PIWIL1: variants seen among roughly 807,000 people sequenced by gnomAD.
PIWIL1 encodes piwi like RNA-mediated gene silencing 1.
Under a neutral mutation model 114.4 loss-of-function variants are expected in PIWIL1, and 73 were observed. The ratio of observed to expected loss-of-function variants is 0.64; its 90% CI spans 0.53 to 0.78. The LOEUF is 0.78. PIWIL1 is among the 30% of genes least tolerant of loss of function. PIWIL1 has a pLI of 0.00. For synonymous variants in PIWIL1, 375 were observed against 369.0 expected (o/e 1.02, Z -0.19); for missense variants, 723 against 1,063.1 (o/e 0.68, Z 4.45).
chr12:130,349,994 G>A (rs2073171899), intron 9 of PIWIL1, 27 bp downstream of exon 9: 1 of 1,267,702 alleles, frequency 7.9e-7, no homozygotes, highest in Non-Finnish European at 1.1e-6. Flanking sequence ...TAGATCTCAG[G>A]AGAAATCCAA....
the PIWIL1 span, among the ~76,000 whole-genome samples, chr12:130,402,462 A>G: frequency 6.6e-6 from 1 of 152,054 alleles, no homozygotes; most frequent in African/African-American, 2.4e-5. Flanking sequence ...TCCTGCCTGG[A>G]GGGTTCCATA....
chr12:130,392,023 C>T, the PIWIL1 span, among the ~76,000 whole-genome samples: 4 of 101,834 alleles, frequency 3.9e-5, no homozygotes, highest in South Asian at 3.6e-4. Context: ...CACGTGTGTG[C>T]GTCAGTTACC....
chr12:130,368,306 G>A (rs78771085), intron 19 of PIWIL1, among the ~76,000 whole-genome samples: 11,878 of 152,142 alleles, frequency 0.078, 637 homozygotes, highest in South Asian at 0.19. Flanking sequence ...ATAAAGTCTC[G>A]GCCTGTGTGC....
chr12:130,368,671 G>A (rs191904650), intron 19 of PIWIL1, among the ~76,000 whole-genome samples: 3 of 152,004 alleles, frequency 2.0e-5, no homozygotes, highest in East Asian at 1.9e-4. Flanking sequence ...CTCTTTCACC[G>A]TATTCAAAAC....
intron 16 of PIWIL1, 105 bp from the exon 17 acceptor site, chr12:130,362,661 C>T: frequency 2.1e-6 from 2 of 967,492 alleles, no homozygotes; most frequent in East Asian, 2.5e-5. Context: ...AAGGCAGTTA[C>T]AAAGATGACA....
At chr12:130,386,109 G>C in the PIWIL1 span, among the ~76,000 whole-genome samples, 1 of 152,152 alleles carries the variant, frequency 6.6e-6, no homozygotes, top group Non-Finnish European at 1.5e-5. Flanking sequence ...GTTTGCTTCA[G>C]ACTTTGTCTC....
chr12:130,414,313 G>A, the PIWIL1 span: 521 of 1,572,068 alleles, frequency 3.3e-4, 5 homozygotes, highest in East Asian at 8.0e-3. Flanking sequence ...TCGTCTGCGA[G>A]CAAGTGGGGG....
At chr12:130,340,678 G>GC (rs2072895062) in intron 1 of PIWIL1, among the ~76,000 whole-genome samples, 4 of 141,710 alleles carry the variant, frequency 2.8e-5, no homozygotes, top group African/African-American at 1.2e-4. Context: ...GGTGGTGGTG[G>GC]TGCTGCTGCT....
the PIWIL1 span, among the ~76,000 whole-genome samples, chr12:130,381,733 G>C: frequency 6.6e-6 from 1 of 152,230 alleles, no homozygotes; most frequent in Admixed American, 6.5e-5. Flanking sequence ...GAAACTGCCT[G>C]TCTTTTAGAA....
chr12:130,360,647 A>G (rs2073485561), intron 14 of PIWIL1, among the ~76,000 whole-genome samples: 1 of 151,984 alleles, frequency 6.6e-6, no homozygotes, highest in Admixed American at 6.5e-5. Context: ...AACAAAACAA[A>G]CCAAACTCCC....
At chr12:130,342,936 C>A in intron 2 of PIWIL1, 54 bp from the exon 3 acceptor site, 1 of 1,289,702 alleles carries the variant, frequency 7.8e-7, no homozygotes, top group Non-Finnish European at 1.1e-6. Flanking sequence ...GAAATTTTCT[C>A]TGGTGTCTGA....
intron 1 of PIWIL1, chr12:130,342,284 C>CT: frequency 2.7e-6 from 1 of 366,968 alleles, no homozygotes; most frequent in Non-Finnish European, 5.0e-6. Context: ...TCTTTCAGCA[C>CT]TTTCTCCTCC....
chr12:130,373,817 A>T (rs60333154), downstream of PIWIL1, among the ~76,000 whole-genome samples: 11,939 of 152,214 alleles, frequency 0.078, 1,497 homozygotes, highest in African/African-American at 0.27. Flanking sequence ...GACTAGGTTG[A>T]TGTCTGAGCC....
the PIWIL1 span, among the ~76,000 whole-genome samples, chr12:130,403,801 GA>G: frequency 1.3e-5 from 2 of 152,108 alleles, no homozygotes; most frequent in African/African-American, 4.8e-5. Context: ...TATAATTTCT[GA>G]ATAAAATATT....
At chr12:130,410,842 G>T in the PIWIL1 span, among the ~76,000 whole-genome samples, 2 of 152,158 alleles carry the variant, frequency 1.3e-5, no homozygotes, top group Non-Finnish European at 2.9e-5. Flanking sequence ...GGCTACTCTA[G>T]TTCCTTTGCC....
At chr12:130,424,698 C>T in the PIWIL1 span, 8 of 1,231,992 alleles carry the variant, frequency 6.5e-6, no homozygotes, top group Non-Finnish European at 7.1e-6. This position sits in a 1 kb window ranked among gnomAD's most constrained non-coding sequence, Gnocchi z 9.8. Flanking sequence ...CGTCCTGGCC[C>T]TGGGGGACGG....
Position 130,371,379 on chromosome 12 carries a change from T to C in PIWIL1, c.2469+56T>C, listed in dbSNP as rs1229197749. 9.3e-6 allele frequency: 15 copies of C among 1,612,310 alleles called. No individual in the cohort carries two copies. In the South Asian group the frequency reaches 1.5e-4, roughly 17 times the overall value. On this transcript the variant is annotated intron_variant, in intron 20 of 20. Transcript: ENST00000245255. Reference sequence around the variant, plus strand: ...AATAAAGGACATTCACTTTTCAAAATGAAATAGCTGTGGTTTAAAAGGCTT... The same window carrying C: ...AATAAAGGACATTCACTTTTCAAAACGAAATAGCTGTGGTTTAAAAGGCTT...
rs759556801 is a variant in PIWIL1, at chr12:130,371,297, C to G, written c.2443C>G (p.Leu815Val). 6.2e-7 allele frequency: 1 copy of G among 1,614,114 alleles called. No individual in the cohort carries two copies. Among genetic ancestry groups the G allele is most frequent in the African/African-American group, 1.3e-5 (1 of 74,938 alleles). Residue 815 changes from leucine (L) to valine (V), a missense_variant, in exon 20 of 21, where the codon CTG becomes GTG. Leu to Val is a conservative substitution (Grantham distance 32). Transcript: ENST00000245255. ...PDHIQRLTYK[L>V]CHIYYNWPGV... ...CCACATACAGCGCTTGACCTACAAG[C>G]TGTGCCACATCTATTACAACTGGCC...
intron 9 of PIWIL1, among the ~76,000 whole-genome samples, chr12:130,350,412 T>C (rs908759001): frequency 6.6e-6 from 1 of 152,246 alleles, no homozygotes; most frequent in Non-Finnish European, 1.5e-5. Context: ...CTCTTAACTT[T>C]TGATTTACAT....
Sources: gnomAD v4.1 joint callset for allele counts (sites outside exome capture counted in the v4.1 genomes callset) on GRCh38, gnomAD v4.1.1 for gene constraint, Gnocchi (gnomAD v3.1) non-coding constraint, MANE v1.5 for transcripts, NCBI Gene and HGNC (gene_info 2026-07-23, HGNC 2026-07-21) for gene names.